GLIS3: variants seen among roughly 807,000 people sequenced by gnomAD.
GLIS3 encodes the protein GLIS family zinc finger 3.
In GLIS3, 53 loss-of-function variants were observed where a neutral mutation model predicts 78.6. That is an observed-to-expected ratio of 0.67 (90% CI 0.54 to 0.85). The LOEUF is 0.85. Among genes scored for constraint, GLIS3 ranks in the 40% least tolerant of loss-of-function variants. GLIS3 has a pLI of 0.00. For missense variants in GLIS3, 1,703 were observed against 1,231.1 expected (o/e 1.38, Z -5.74); for synonymous variants, 684 against 509.9 (o/e 1.34, Z -4.60).
the GLIS3 span, among the ~76,000 whole-genome samples, chr9:4,439,027 C>T: frequency 1.3e-5 from 2 of 152,150 alleles, no homozygotes; most frequent in East Asian, 1.9e-4. Flanking sequence ...TTATAATGTG[C>T]CATCAAAATA....
chr9:3,856,627 G>C (rs942999027), intron 8 of GLIS3, among the ~76,000 whole-genome samples: 3 of 152,182 alleles, frequency 2.0e-5, no homozygotes, highest in African/African-American at 7.2e-5. Flanking sequence ...AGATATATCT[G>C]AGGTCCAAGA....
chr9:4,202,513 C>A (rs1819498788), intron 2 of GLIS3, among the ~76,000 whole-genome samples: 1 of 152,078 alleles, frequency 6.6e-6, no homozygotes, highest in African/African-American at 2.4e-5. Context: ...ACAGCCAAAG[C>A]AATGCTAAGC....
chr9:4,423,502 A>C, the GLIS3 span, among the ~76,000 whole-genome samples: 1 of 152,074 alleles, frequency 6.6e-6, no homozygotes, highest in Non-Finnish European at 1.5e-5. Context: ...AAATGACACC[A>C]AAGCTCCTAT....
At chr9:4,454,179 A>G in the GLIS3 span, among the ~76,000 whole-genome samples, 137 of 151,350 alleles carry the variant, frequency 9.1e-4, no homozygotes, top group African/African-American at 3.1e-3. Context: ...AAGAAGAAAG[A>G]AAAAAACCAG....
the GLIS3 span, among the ~76,000 whole-genome samples, chr9:4,354,682 C>A: frequency 6.6e-6 from 1 of 152,136 alleles, no homozygotes; most frequent in Non-Finnish European, 1.5e-5. Context: ...AGGAGAATAA[C>A]CCCATTGGCA....
chr9:3,932,411 T>C lies in GLIS3; in HGVS notation c.1932A>G (p.Leu644=). Residue 644 remains leucine, a synonymous_variant, in exon 6 of 11, where the codon CTA becomes CTG. Transcript: ENST00000381971. ...AAGAATGTGCCTTCACATGCTTTCT[T>C]AGGGAACTTGGGTCTGTGTAGCGTT... The part of the protein sequence containing the change: ...CTKRYTDPSS[L]RKHVKAHSSK... The C allele has an allele frequency of 6.2e-7, 1 of 1,613,956 alleles. No individual in the cohort carries two copies. The highest frequency in any genetic ancestry group is 1.3e-5 in the African/African-American group (1 of 74,980).
chr9:4,442,552 C>A, the GLIS3 span, among the ~76,000 whole-genome samples: 33 of 151,972 alleles, frequency 2.2e-4, no homozygotes, highest in African/African-American at 7.5e-4. Context: ...TAACTCATTC[C>A]TTTTCATTTC....
the GLIS3 span, among the ~76,000 whole-genome samples, chr9:4,481,644 G>C: frequency 6.6e-6 from 1 of 151,960 alleles, no homozygotes; most frequent in South Asian, 2.1e-4. Flanking sequence ...TCATTATCTA[G>C]TGTACTTTTA....
the GLIS3 span, among the ~76,000 whole-genome samples, chr9:4,478,334 G>A: frequency 6.6e-5 from 10 of 152,152 alleles, no homozygotes; most frequent in African/African-American, 1.4e-4. Context: ...AAGCCCCGGC[G>A]CAGTGGCTCA....
intron 2 of GLIS3, among the ~76,000 whole-genome samples, chr9:4,258,171 T>C (rs1057251006): frequency 6.6e-6 from 1 of 152,214 alleles, no homozygotes; most frequent in Admixed American, 6.5e-5. Context: ...AAAATACGTC[T>C]TTTTTGTTTT....
chr9:3,828,488 C>G, intron 10 of GLIS3, 80 bp from the exon 11 acceptor site: 1 of 1,574,272 alleles, frequency 6.4e-7, no homozygotes, highest in Non-Finnish European at 8.7e-7. Flanking sequence ...AGTAATGCAG[C>G]TCACCAAGTG....
intron 9 of GLIS3, among the ~76,000 whole-genome samples, chr9:3,848,007 C>A (rs1019824554): frequency 2.0e-5 from 3 of 152,314 alleles, no homozygotes. Flanking sequence ...TATGTCACAA[C>A]TTTCTCCATG....
chr9:4,260,734 G>C (rs1480164200), intron 2 of GLIS3, among the ~76,000 whole-genome samples: 3 of 151,780 alleles, frequency 2.0e-5, no homozygotes, highest in African/African-American at 7.3e-5. Context: ...GACAGAGCAA[G>C]ACTCCGTCCC....
At position 4,020,812 on chromosome 9, in the gene GLIS3, T is replaced by C. The variant is rs139054807; in HGVS notation, c.1711-83623A>G. On this transcript the variant is annotated intron_variant, in intron 4 of 10. Coordinates refer to ENST00000381971, the MANE Select transcript of GLIS3 (RefSeq NM_001042413.2). ...TACCAGCAGCACACATGGAGGACTG[T>C]GTTTCAAATTCTCTCTTGCTGCCAC... Among the ~76,000 whole-genome samples the C allele has an allele frequency of 8.4e-4, 128 of 152,326 alleles. 1 individual carries two copies. The highest frequency in any genetic ancestry group is 5.0e-3 in the East Asian group (26 of 5,188).
chr9:4,396,317 C>G, the GLIS3 span, among the ~76,000 whole-genome samples: 8 of 151,958 alleles, frequency 5.3e-5, no homozygotes, highest in African/African-American at 1.9e-4. Flanking sequence ...GACAGTTTCA[C>G]CAGGTTGATC....
chr9:4,236,204 A>AAAAAAAG (rs536737911), intron 2 of GLIS3, among the ~76,000 whole-genome samples: 5,018 of 86,288 alleles, frequency 0.058, 250 homozygotes, highest in East Asian at 0.071. Flanking sequence ...AAAAAAAAAA[A>AAAAAAAG]AAAGAAAGAA....
At chr9:4,327,310 T>C (rs1316029156) in intron 2 of GLIS3, among the ~76,000 whole-genome samples, 1 of 152,092 alleles carries the variant, frequency 6.6e-6, no homozygotes. Flanking sequence ...CCATGTTGTA[T>C]TCAGAGCAAA....
intron 7 of GLIS3, among the ~76,000 whole-genome samples, chr9:3,885,391 C>T (rs561423340): frequency 7.9e-5 from 12 of 152,316 alleles, no homozygotes; most frequent in Non-Finnish European, 1.5e-4. Context: ...TGGAGTCATT[C>T]ATGGTTGCAT....
intron 3 of GLIS3, among the ~76,000 whole-genome samples, chr9:4,120,422 C>T (rs138974840): frequency 1.3e-5 from 2 of 152,338 alleles, no homozygotes; most frequent in Non-Finnish European, 1.5e-5. Context: ...TCCTTAAATT[C>T]GGGTTGTAGT....
Sources: gnomAD v4.1 joint callset for allele counts (sites outside exome capture counted in the v4.1 genomes callset) on GRCh38, gnomAD v4.1.1 for gene constraint, MANE v1.5 for transcripts, NCBI Gene and HGNC (gene_info 2026-07-23, HGNC 2026-07-21) for gene names.